The following ERCC6 variants were observed in gnomAD, a reference collection of about 807,000 sequenced individuals.
ERCC6 encodes the protein DNA excision repair protein ERCC-6.
A neutral mutation model predicts 158.7 loss-of-function variants in ERCC6; 116 were observed. That is an observed-to-expected ratio of 0.73 (90% CI 0.63 to 0.85). The LOEUF is 0.85. Among genes scored for constraint, ERCC6 ranks in the 40% least tolerant of loss-of-function variants. ERCC6 has a pLI of 0.00. For synonymous variants in ERCC6, 678 were observed against 659.3 expected (o/e 1.03, Z -0.43); for missense variants, 1,698 against 1,799.4 (o/e 0.94, Z 1.02).
chr10:49,536,577 A>G (rs2132646596), intron 1 of ERCC6, among the ~76,000 whole-genome samples: 1 of 152,318 alleles, frequency 6.6e-6, no homozygotes, highest in South Asian at 2.1e-4. Context: ...CAGGAGACAA[A>G]GTTGGCACTG....
At chr10:49,532,395 G>T in intron 2 of ERCC6, 148 bp downstream of exon 2, 2 of 1,254,032 alleles carry the variant, frequency 1.6e-6, no homozygotes, top group South Asian at 1.4e-5. Flanking sequence ...CAAAGATGAG[G>T]TTGAGGACTG....
chr10:49,478,266 ACT>A, intron 11 of ERCC6, 86 bp downstream of exon 11: 7 of 959,110 alleles, frequency 7.3e-6, no homozygotes, highest in South Asian at 2.6e-5. Flanking sequence ...ACCTCACCAG[ACT>A]CTCTCATCCG....
chr10:49,511,705 G>A (rs999412881), intron 5 of ERCC6, among the ~76,000 whole-genome samples: 15 of 152,238 alleles, frequency 9.9e-5, no homozygotes, highest in South Asian at 4.1e-4. Context: ...GATTGCAGGC[G>A]TGAGCCACCA....
chr10:49,437,912 T>C, the ERCC6 span, among the ~76,000 whole-genome samples: 2 of 152,222 alleles, frequency 1.3e-5, no homozygotes, highest in African/African-American at 4.8e-5. Context: ...AGGACACATG[T>C]GCATATAACA....
In ERCC6 at chr10:49,524,316, ACT is replaced by A. The variant is rs759698849; in HGVS notation, c.1112_1113del (p.Glu371ValfsTer2). The A allele has an allele frequency of 6.2e-7, 1 of 1,612,924 alleles. No individual in the cohort carries two copies. The highest frequency in any genetic ancestry group is 1.1e-5 in the South Asian group (1 of 90,996). On this transcript the variant is annotated frameshift_variant, in exon 5 of 21. Transcript: ENST00000355832. LOFTEE classifies it high-confidence loss of function. ...TCCTCCTCTGTGGGGAAATACTCAG[ACT>A]CTTCACCCTCAGAGTCTCCCTCTGC... ...PEAEGDSEGE[E>X]SEYFPTEEEE...
chr10:49,497,493 T>C (rs1459497310), intron 7 of ERCC6, among the ~76,000 whole-genome samples: 6 of 152,256 alleles, frequency 3.9e-5, no homozygotes, highest in Non-Finnish European at 1.5e-5. Flanking sequence ...AAGGCTAGTA[T>C]ATTCTTCTGG....
chr10:49,479,913 C>T (rs897208446), intron 10 of ERCC6, among the ~76,000 whole-genome samples: 2 of 152,234 alleles, frequency 1.3e-5, no homozygotes, highest in African/African-American at 4.8e-5. Flanking sequence ...CCAATGCTCA[C>T]ATCCCAGTGC....
chr10:49,516,171 C>G, intron 5 of ERCC6: 1 of 1,614,116 alleles, frequency 6.2e-7, no homozygotes, highest in Non-Finnish European at 8.5e-7. Context: ...TGGGTTTTTA[C>G]CCTGATACGG....
Position 49,530,146 on chromosome 10 carries a change from T to C in ERCC6, c.543+574A>G, listed in dbSNP as rs530434892. 4.0e-5 allele frequency among the ~76,000 whole-genome samples: 6 copies of C among 151,678 alleles called. No homozygotes were observed. The South Asian group carries it at 1.2e-3, about 31-fold the overall frequency. The stretch of plus-strand genomic sequence containing the variant: ...CAGGAGACCAGGAGACTGAGGCCAG[T>C]GTGACCCTAAGCCAGGCCAAAGAAA... On this transcript the variant is annotated intron_variant, in intron 3 of 20. Coordinates refer to ENST00000355832, the MANE Select transcript of ERCC6 (RefSeq NM_000124.4).
At chr10:49,446,254 CACA>C in the ERCC6 span, among the ~76,000 whole-genome samples, 7 of 99,490 alleles carry the variant, frequency 7.0e-5, no homozygotes, top group African/African-American at 2.4e-4. Flanking sequence ...CACACACACA[CACA>C]CCCCCCAATT....
At chr10:49,501,493 T>C (rs193227613) in intron 6 of ERCC6, 2 of 152,180 alleles carry the variant, frequency 1.3e-5, no homozygotes, top group African/African-American at 4.8e-5. Flanking sequence ...CAGAAGTTGA[T>C]ATTTTTCTTT....
In ERCC6 at chr10:49,526,117, TTATATATATATATATATATATA is replaced by T. The variant is rs55801003; in HGVS notation, c.653-1362_653-1341del. On this transcript the variant is annotated intron_variant, in intron 4 of 20. Coordinates refer to ENST00000355832, the MANE Select transcript of ERCC6 (RefSeq NM_000124.4). ...TATATATTTATATATTTATATATTT[TTATATATATATATATATATATA>T]TATATATATATATATATATATATCT... Among the ~76,000 whole-genome samples the T allele has an allele frequency of 5.8e-3, 255 of 43,610 alleles. 5 individuals are homozygous for T. Among genetic ancestry groups the T allele is most frequent in the Non-Finnish European group, 9.5e-3 (185 of 19,422 alleles). 28.6% of individuals were successfully genotyped at this position (43,610 alleles called of 152,430 possible).
chr10:49,501,085 A>G, intron 6 of ERCC6: 1 of 259,862 alleles, frequency 3.8e-6, no homozygotes, highest in South Asian at 4.5e-5. Flanking sequence ...TTTTCTATAA[A>G]AAAGGGGCAC....
chr10:49,472,790 C>T, intron 15 of ERCC6, 119 bp downstream of exon 15: 1 of 1,226,966 alleles, frequency 8.2e-7, no homozygotes, highest in Admixed American at 2.3e-5. Flanking sequence ...GAACAGGAGA[C>T]AATCAAAATG....
Position 49,483,516 on chromosome 10 carries a change from C to G in ERCC6, c.1822G>C (p.Glu608Gln), listed in dbSNP as rs1851019154. The change falls in exon 9 of 21, where the codon GAG (glutamate) becomes CAG (glutamine). Residue 608 changes from glutamate to glutamine, a missense_variant and splice_region_variant. By Grantham distance (29) the Glu-to-Gln change is conservative. Coordinates refer to ENST00000355832, the MANE Select transcript of ERCC6 (RefSeq NM_000124.4). ...HETGSYTHKK[E>Q]KLIRDVAHCH... Reference sequence around the variant, plus strand: ...TGAGCAACATCTCGAATTAGTTTCTCCTGAGACCACAATAAAATGGTAAAG... The same window carrying G: ...TGAGCAACATCTCGAATTAGTTTCTGCTGAGACCACAATAAAATGGTAAAG... 6.2e-7 allele frequency: 1 copy of G among 1,613,882 alleles called. No individual in the cohort carries two copies. Among genetic ancestry groups the G allele is most frequent in the South Asian group, 1.1e-5 (1 of 91,058 alleles).
At chr10:49,480,420 G>A (rs759927080) in intron 10 of ERCC6, among the ~76,000 whole-genome samples, 1 of 152,026 alleles carries the variant, frequency 6.6e-6, no homozygotes, top group Non-Finnish European at 1.5e-5. Flanking sequence ...AATAAATACC[G>A]GCACACAGAC....
At chr10:49,524,858 A>G in intron 4 of ERCC6, 81 bp from the exon 5 acceptor site, 1 of 1,572,962 alleles carries the variant, frequency 6.4e-7, no homozygotes, top group Non-Finnish European at 8.6e-7. Flanking sequence ...CTTTCAAGAA[A>G]TATTAGGCAG....
intron 5 of ERCC6, chr10:49,516,388 A>G (rs766373651): frequency 6.2e-7 from 1 of 1,614,140 alleles, no homozygotes; most frequent in Non-Finnish European, 8.5e-7. Flanking sequence ...AATTTGGAAA[A>G]TTTGTCCACT....
chr10:49,455,458 G>A lies in ERCC6; in HGVS notation c.*3357C>T, dbSNP rs1850469525. On this transcript the variant is annotated 3_prime_UTR_variant, in exon 21 of 21. Coordinates refer to ENST00000355832, the MANE Select transcript of ERCC6 (RefSeq NM_000124.4). ...ACCCAAGTATAAGACACTGAAGAGG[G>A]GGAGAAAGGAAAAGGAACTTGCCCA... is the stretch of plus-strand genomic sequence containing the variant. 6.6e-6 allele frequency: 1 copy of A among 152,180 alleles called. No individual in the cohort carries two copies. The highest frequency in any genetic ancestry group is 1.5e-5 in the Non-Finnish European group (1 of 68,040). 9.4% of individuals were successfully genotyped at this position (152,180 alleles called of 1,614,324 possible).
Sources: gnomAD v4.1 joint callset for allele counts (sites outside exome capture counted in the v4.1 genomes callset) on GRCh38, gnomAD v4.1.1 for gene constraint, MANE v1.5 for transcripts, NCBI Gene and HGNC (gene_info 2026-07-23, HGNC 2026-07-21) for gene names.